Variants in CDH19 observed in about 807,000 individuals in gnomAD.
The protein encoded by CDH19 is cadherin-19.
A neutral mutation model predicts 64.2 loss-of-function variants in CDH19; 67 were observed. The observed-to-expected ratio is 1.04, with a 90% confidence interval of 0.86 to 1.28. CDH19 has a LOEUF of 1.28. Among genes scored for constraint, CDH19 ranks in the 50% most tolerant of loss-of-function variants. CDH19 has a pLI of 0.00. For missense variants in CDH19, 1,030 were observed against 929.0 expected, an observed-to-expected ratio of 1.11 and a Z score of -1.41; for synonymous variants, 346 against 319.3, an observed-to-expected ratio of 1.08 and a Z score of -0.89.
intron 9 of CDH19, among the ~76,000 whole-genome samples, chr18:66,519,001 A>G (rs1383792882): frequency 6.6e-6 from 1 of 152,202 alleles, no homozygotes; most frequent in African/African-American, 2.4e-5. Flanking sequence ...TACATTATTA[A>G]TATCACACAC....
At chr18:66,534,453 T>C (rs751546417) in intron 8 of CDH19, among the ~76,000 whole-genome samples, 3 of 151,998 alleles carry the variant, frequency 2.0e-5, no homozygotes, top group Non-Finnish European at 4.4e-5. Flanking sequence ...TAAAATTCTA[T>C]GTAAAATCAG....
At chr18:66,571,626 A>T (rs1988105142) in intron 2 of CDH19, among the ~76,000 whole-genome samples, 1 of 151,688 alleles carries the variant, frequency 6.6e-6, no homozygotes, top group African/African-American at 2.4e-5. Context: ...CTGCTTCATT[A>T]AAAATGAACG....
chr18:66,545,037 G>C (rs1987055247), intron 5 of CDH19, 134 bp from the exon 6 acceptor site: 1 of 602,896 alleles, frequency 1.7e-6, no homozygotes, highest in Non-Finnish European at 2.7e-6. Context: ...GGAGTGCAGT[G>C]GTGTGATCTC....
At chr18:66,570,755 G>A (rs1988075545) in intron 2 of CDH19, among the ~76,000 whole-genome samples, 1 of 151,716 alleles carries the variant, frequency 6.6e-6, no homozygotes, top group African/African-American at 2.4e-5. Flanking sequence ...ATCACTGTGA[G>A]AAAGGAGGTA....
chr18:66,564,625 C>G (rs943776923), intron 3 of CDH19, among the ~76,000 whole-genome samples: 1 of 151,818 alleles, frequency 6.6e-6, no homozygotes, highest in Non-Finnish European at 1.5e-5. Flanking sequence ...TTTAAATTTT[C>G]CTTTTGCATT....
intron 1 of CDH19, among the ~76,000 whole-genome samples, chr18:66,581,578 G>A (rs115554273): frequency 1.3e-5 from 2 of 152,110 alleles, no homozygotes; most frequent in Admixed American, 1.3e-4. Flanking sequence ...CTGGCTTGCT[G>A]AGTCTTCTGG....
At chr18:66,575,378 C>T (rs958420351) in intron 1 of CDH19, among the ~76,000 whole-genome samples, 5 of 151,818 alleles carry the variant, frequency 3.3e-5, no homozygotes, top group African/African-American at 9.6e-5. Context: ...CAGATAAAGC[C>T]CTCTTTACAC....
At chr18:66,516,606 C>A (rs75179034) in intron 9 of CDH19, among the ~76,000 whole-genome samples, 35 of 152,132 alleles carry the variant, frequency 2.3e-4, no homozygotes, top group Non-Finnish European at 4.6e-4. Flanking sequence ...TACTCTCCAT[C>A]CAGTAAAATC....
At chr18:66,517,991 T>A (rs1378415642) in intron 9 of CDH19, among the ~76,000 whole-genome samples, 1 of 151,962 alleles carries the variant, frequency 6.6e-6, no homozygotes, top group Non-Finnish European at 1.5e-5. Context: ...TTATTTTATA[T>A]GTACTTTATA....
intron 9 of CDH19, among the ~76,000 whole-genome samples, chr18:66,519,015 T>C (rs1985862519): frequency 6.6e-6 from 1 of 152,176 alleles, no homozygotes; most frequent in Non-Finnish European, 1.5e-5. Context: ...CACACACGTA[T>C]GATGACAAAA....
intron 9 of CDH19, among the ~76,000 whole-genome samples, chr18:66,529,535 T>A (rs1986353682): frequency 6.7e-6 from 1 of 148,588 alleles, no homozygotes; most frequent in Non-Finnish European, 1.5e-5. Context: ...AAATAAAATA[T>A]TATTATACAA....
chr18:66,505,429 T>C (rs566214883), intron 11 of CDH19, 127 bp from the exon 12 acceptor site: 101 of 740,710 alleles, frequency 1.4e-4, no homozygotes, highest in Non-Finnish European at 1.8e-4. Context: ...AAAAGATACA[T>C]TTGTTATTGA....
chr18:66,517,099 C>T (rs2144366867), intron 9 of CDH19, among the ~76,000 whole-genome samples: 1 of 152,020 alleles, frequency 6.6e-6, no homozygotes, highest in Non-Finnish European at 1.5e-5. Context: ...AGACACATAG[C>T]TTAAAACAGA....
At chr18:66,525,906 C>A (rs1176950712) in intron 9 of CDH19, among the ~76,000 whole-genome samples, 1 of 152,036 alleles carries the variant, frequency 6.6e-6, no homozygotes, top group East Asian at 1.9e-4. Flanking sequence ...GTGACACTCT[C>A]CTTAAGGGAA....
intron 1 of CDH19, among the ~76,000 whole-genome samples, chr18:66,594,217 T>C (rs1247049080): frequency 1.3e-5 from 2 of 152,148 alleles, no homozygotes; most frequent in Non-Finnish European, 2.9e-5. Context: ...GACTTAATTA[T>C]ACTAAATATA....
chr18:66,587,971 G>A (rs1455131900), intron 1 of CDH19, among the ~76,000 whole-genome samples: 1 of 152,110 alleles, frequency 6.6e-6, no homozygotes, highest in Non-Finnish European at 1.5e-5. Context: ...AAAGATCAAG[G>A]TGAGCTTGTA....
chr18:66,553,493 G>C (rs1466240032), intron 4 of CDH19, among the ~76,000 whole-genome samples: 1 of 134,154 alleles, frequency 7.5e-6, no homozygotes, highest in South Asian at 2.4e-4. Context: ...AAAAGGCTGA[G>C]ACATTCAATA....
intron 1 of CDH19, among the ~76,000 whole-genome samples, chr18:66,597,932 A>G (rs1988944732): frequency 6.6e-6 from 1 of 152,102 alleles, no homozygotes; most frequent in Non-Finnish European, 1.5e-5. Flanking sequence ...TAGGAGATAT[A>G]CCTAATGTAA....
intron 1 of CDH19, among the ~76,000 whole-genome samples, chr18:66,584,608 C>T (rs1346483709): frequency 6.6e-6 from 1 of 152,032 alleles, no homozygotes; most frequent in African/African-American, 2.4e-5. Context: ...CACGAATGCT[C>T]ATTGCAGCAC....
Sources: gnomAD v4.1 joint callset for allele counts (sites outside exome capture counted in the v4.1 genomes callset) on GRCh38, gnomAD v4.1.1 for gene constraint, MANE v1.5 for transcripts, NCBI Gene and HGNC (gene_info 2026-07-23, HGNC 2026-07-21) for gene names.